The following BPIFB6 variants were observed in gnomAD, a reference collection of about 807,000 sequenced individuals.
The protein encoded by BPIFB6 is BPI fold-containing family B member 6.
Under a neutral mutation model 54.7 loss-of-function variants are expected in BPIFB6, and 47 were observed. The observed-to-expected ratio is 0.86, with a 90% CI of 0.68 to 1.10. The LOEUF (loss-of-function observed/expected upper bound fraction) is 1.10. Ranked by LOEUF, BPIFB6 falls within the 50% of genes least tolerant of loss-of-function variation. The pLI, the probability that BPIFB6 is intolerant of heterozygous loss-of-function variation, is 0.00. For missense variants in BPIFB6, 603 were observed against 564.1 expected (o/e 1.07, Z -0.70); for synonymous variants, 255 against 225.9 (o/e 1.13, Z -1.16).
chr20:33,035,623 C>G lies in BPIFB6; in HGVS notation c.528C>G (p.Ala176=), dbSNP rs1160935194. Residue 176 remains alanine (A), a synonymous_variant, in exon 6 of 15, where the codon GCC becomes GCG. Coordinates refer to ENST00000349552, the MANE Select transcript of BPIFB6 (RefSeq NM_174897.2). Reference sequence around the variant, plus strand: ...TTCTCTGCTTCCAGATGTGTCCCGCCATCGATGCAGTCCTGGTGTATGTGA... The same window carrying G: ...TTCTCTGCTTCCAGATGTGTCCCGCGATCGATGCAGTCCTGGTGTATGTGA... The part of the protein sequence containing the change: ...HKVLPGLMCP[A]IDAVLVYVNR... The G allele has an allele frequency of 6.2e-7, 1 of 1,614,096 alleles. No individual in the cohort carries two copies. The highest frequency in any genetic ancestry group is 2.2e-5 in the East Asian group (1 of 44,888).
chr20:33,035,750 C>T, intron 6 of BPIFB6, 78 bp downstream of exon 6: 3 of 1,434,628 alleles, frequency 2.1e-6, no homozygotes, highest in South Asian at 1.1e-5. Context: ...CATTCCCCAT[C>T]CTAGTGCCTG....
Position 33,040,336 on chromosome 20 carries a change from A to C in BPIFB6, c.1142+18A>C. On this transcript the variant is annotated intron_variant, in intron 11 of 14. Coordinates refer to ENST00000349552, the MANE Select transcript of BPIFB6 (RefSeq NM_174897.2). The stretch of plus-strand genomic sequence containing the variant: ...TTGGACAGGTACGACCCTGCTGCCC[A>C]ATGCTGGCATCCCTGTTACCTTCAC... 1.2e-6 allele frequency: 2 copies of C among 1,612,204 alleles called. No homozygotes were observed. Among genetic ancestry groups the C allele is most frequent in the East Asian group, 2.2e-5 (1 of 44,872 alleles).
rs11907240 is a variant in BPIFB6 at position 33,040,141 on chromosome 20, C to T, written c.1075-110C>T. ...GGATGGGCAGAGAGAAGATCCCCTG[C>T]TTTGTCTTGGCAATGGTGGTAGTGC... is the stretch of plus-strand genomic sequence containing the variant. On this transcript the variant is annotated intron_variant, in intron 10 of 14. Coordinates refer to ENST00000349552, the MANE Select transcript of BPIFB6 (RefSeq NM_174897.2). 6.7e-3 allele frequency: 6,500 copies of T among 972,924 alleles called. 259 individuals carry two copies. In the African/African-American group the frequency reaches 0.092, roughly 14 times the overall value. The allele number at this position is 972,924 out of a possible 1,614,324, so 60.3% of individuals were successfully genotyped here.
chr20:33,042,794 C>A (rs776251443), intron 12 of BPIFB6, 21 bp from the exon 13 acceptor site: 2 of 1,611,098 alleles, frequency 1.2e-6, no homozygotes, highest in East Asian at 2.2e-5. Flanking sequence ...AATGTGGATG[C>A]TTTCTCTTTC....
In BPIFB6 at chr20:33,039,349, G is replaced by A. The variant is rs1979476920; in HGVS notation, c.903G>A (p.Val301=). Residue 301 remains valine, a splice_region_variant and synonymous_variant, in exon 10 of 15, where the codon GTG becomes GTA. Transcript: ENST00000349552. ...TKTLARFIPE[V]AVAYPKSKPL... Reference sequence around the variant, plus strand: ...GTGAAGTGTTCTGGTTTCTGTAGGTGGCTGTAGCTTATCCCAAGTCAAAGC... The same window carrying A: ...GTGAAGTGTTCTGGTTTCTGTAGGTAGCTGTAGCTTATCCCAAGTCAAAGC... 1 of 1,609,318 alleles carries A rather than the reference G, an allele frequency of 6.2e-7. No homozygotes were observed. The highest frequency in any genetic ancestry group is 8.5e-7 in the Non-Finnish European group (1 of 1,178,300).
Position 33,037,594 on chromosome 20 carries a change from CAAGCTTGCTG to C in BPIFB6, c.704_713del (p.Lys235MetfsTer39). ...TGCAGCAGCAAAAGGGCAAAACCAT[CAAGCTTGCTG>C]ATGCCGGGGAGGCCCTCACGTTCCC... On this transcript the variant is annotated frameshift_variant, in exon 8 of 15. Coordinates refer to ENST00000349552, the MANE Select transcript of BPIFB6 (RefSeq NM_174897.2). LOFTEE classifies it high-confidence loss of function. The C allele has an allele frequency of 6.2e-7, 1 of 1,613,834 alleles. No individual in the cohort carries two copies. Among genetic ancestry groups the C allele is most frequent in the Non-Finnish European group, 8.5e-7 (1 of 1,179,812 alleles).
rs80223576 is a variant in BPIFB6 at position 33,037,236 on chromosome 20, T to C, written c.670-326T>C. ...CACGCCCCGTGTCGATTTCCGCCTGTCTCTTTCTCTTGAGAACAAGGCAGA... is the reference window on the plus strand; with the variant it reads ...CACGCCCCGTGTCGATTTCCGCCTGCCTCTTTCTCTTGAGAACAAGGCAGA... On this transcript the variant is annotated intron_variant, in intron 7 of 14. Coordinates refer to ENST00000349552, the MANE Select transcript of BPIFB6 (RefSeq NM_174897.2). Among the ~76,000 whole-genome samples the C allele has an allele frequency of 2.2e-4, 33 of 152,318 alleles. 1 individual carries two copies. In the East Asian group the frequency reaches 6.4e-3, roughly 29 times the overall value.
At chr20:33,032,936 A>G (rs927706320) in intron 1 of BPIFB6, 48 bp from the exon 2 acceptor site, 1 of 1,470,352 alleles carries the variant, frequency 6.8e-7, no homozygotes, top group African/African-American at 1.4e-5. Context: ...GGGATACCTG[A>G]GTGATTGGCC....
In BPIFB6 at chr20:33,042,012, C is replaced by T; in HGVS notation, c.1185C>T (p.Phe395=). 1.2e-6 allele frequency: 2 copies of T among 1,613,986 alleles called. No homozygotes were observed. The highest frequency in any genetic ancestry group is 1.7e-6 in the Non-Finnish European group (2 of 1,179,862). ...GGAAGTCCTCATCGATTGGCAACTT[C>T]AATGTAAGTGTCCCAAGTGCTCTTG... ...LSRKSSSIGN[F]NERELTGFIT... Residue 395 remains phenylalanine (F), a synonymous_variant, in exon 12 of 15, where the codon TTC becomes TTT. Coordinates refer to ENST00000349552, the MANE Select transcript of BPIFB6 (RefSeq NM_174897.2).
intron 12 of BPIFB6, among the ~76,000 whole-genome samples, chr20:33,042,275 G>A (rs1979623827): frequency 6.6e-6 from 1 of 152,148 alleles, no homozygotes; most frequent in South Asian, 2.1e-4. Flanking sequence ...TGGCAGCCTG[G>A]GTTGGCCTTG....
At chr20:33,041,295 T>G (rs1039948996) in intron 11 of BPIFB6, among the ~76,000 whole-genome samples, 1 of 152,116 alleles carries the variant, frequency 6.6e-6, no homozygotes, top group East Asian at 1.9e-4. Flanking sequence ...GGCCTAACTT[T>G]AGGGGTAGCT....
intron 14 of BPIFB6, 140 bp downstream of exon 14, chr20:33,043,507 A>G: frequency 1.4e-6 from 1 of 732,222 alleles, no homozygotes; most frequent in Middle Eastern, 3.9e-4. Flanking sequence ...GCCCCTCAGA[A>G]TCTAGAACAC....
Position 33,041,963 on chromosome 20 carries a change from C to T in BPIFB6, c.1143-7C>T, listed in dbSNP as rs570825385. 93 of 1,614,096 alleles carry T rather than the reference C, an allele frequency of 5.8e-5. No homozygotes were observed. The East Asian group carries it at 1.1e-3, about 19-fold the overall frequency. The stretch of plus-strand genomic sequence containing the variant: ...CCCGCCTGGCTTGCTTCCCCACTCC[C>T]CCACAGATTACTGAGCTTGTCCCGG... On this transcript the variant is annotated splice_polypyrimidine_tract_variant and splice_region_variant and intron_variant, in intron 11 of 14. Transcript: ENST00000349552.
intron 11 of BPIFB6, among the ~76,000 whole-genome samples, 199 bp from the exon 12 acceptor site, chr20:33,041,771 C>T (rs1230229823): frequency 2.6e-5 from 4 of 152,134 alleles, no homozygotes; most frequent in African/African-American, 9.7e-5. Flanking sequence ...AAATCATGTG[C>T]TGTAACGAAA....
At chr20:33,041,268 C>A (rs1254812191) in intron 11 of BPIFB6, among the ~76,000 whole-genome samples, 2 of 152,196 alleles carry the variant, frequency 1.3e-5, no homozygotes, top group Admixed American at 6.5e-5. Context: ...GGATTACAGG[C>A]ATGAGCCACC....
At chr20:33,040,147 C>T in intron 10 of BPIFB6, 104 bp from the exon 11 acceptor site, 2 of 1,033,638 alleles carry the variant, frequency 1.9e-6, no homozygotes, top group Non-Finnish European at 3.0e-6. Flanking sequence ...CCTGCTTTGT[C>T]TTGGCAATGG....
intron 11 of BPIFB6, among the ~76,000 whole-genome samples, chr20:33,041,194 T>A (rs1379745056): frequency 1.3e-5 from 2 of 152,060 alleles, no homozygotes; most frequent in East Asian, 3.9e-4. Flanking sequence ...TTTCACCCTG[T>A]TAGCCAGGAT....
chr20:33,034,941 G>A (rs775326502), intron 4 of BPIFB6, 29 bp downstream of exon 4: 4 of 1,605,694 alleles, frequency 2.5e-6, no homozygotes, highest in Non-Finnish European at 2.6e-6. Flanking sequence ...GGGGAGGAAG[G>A]CCGGTCCATA....
At chr20:33,043,191 T>A (rs954033503) in intron 13 of BPIFB6, 100 bp from the exon 14 acceptor site, 17 of 1,031,186 alleles carry the variant, frequency 1.6e-5, no homozygotes, top group Non-Finnish European at 2.6e-5. Flanking sequence ...GCATCATGAA[T>A]CAATCACTGC....
Sources: gnomAD v4.1 joint callset for allele counts (sites outside exome capture counted in the v4.1 genomes callset) on GRCh38, gnomAD v4.1.1 for gene constraint, MANE v1.5 for transcripts, NCBI Gene and HGNC (gene_info 2026-07-23, HGNC 2026-07-21) for gene names.